Variants in RCOR3 observed in about 807,000 individuals in gnomAD.
RCOR3 encodes REST corepressor 3.
A neutral mutation model predicts 64.1 loss-of-function variants in RCOR3; 13 were observed. That is an observed-to-expected ratio of 0.20 (90% CI 0.13 to 0.32). RCOR3 has a LOEUF of 0.32. Among genes scored for constraint, RCOR3 ranks in the 10% least tolerant of loss-of-function variants. RCOR3 has a pLI of 1.00. For synonymous variants in RCOR3, 215 were observed against 239.0 expected (o/e 0.90, Z 0.93); for missense variants, 489 against 701.2 (o/e 0.70, Z 3.42).
chr1:211,297,485 C>T (rs12754747), intron 9 of RCOR3, among the ~76,000 whole-genome samples: 19,577 of 152,130 alleles, frequency 0.13, 1,387 homozygotes, highest in Middle Eastern at 0.24. Context: ...TTGCCTCTTA[C>T]ATTTGGAAGT....
chr1:211,269,293 GTCTC>G (rs1695760757), intron 2 of RCOR3, among the ~76,000 whole-genome samples: 3 of 152,082 alleles, frequency 2.0e-5, no homozygotes, highest in African/African-American at 4.8e-5. Context: ...GAGAAACCTT[GTCTC>G]TACTAAAAAT....
intron 8 of RCOR3, among the ~76,000 whole-genome samples, chr1:211,293,516 T>TAAAACTC (rs1329137927): frequency 1.3e-5 from 2 of 152,228 alleles, no homozygotes; most frequent in East Asian, 3.8e-4. Flanking sequence ...AAACTCAGTT[T>TAAAACTC]AGCTGTCCTT....
At chr1:211,261,631 C>T (rs1694287328) in intron 2 of RCOR3, among the ~76,000 whole-genome samples, 1 of 152,132 alleles carries the variant, frequency 6.6e-6, no homozygotes, top group South Asian at 2.1e-4. Flanking sequence ...CTTTAAGAGA[C>T]TGAATTCACG....
Position 211,280,840 on chromosome 1 carries a change from G to A in RCOR3, c.720+1524G>A, listed in dbSNP as rs182011367. On this transcript the variant is annotated intron_variant, in intron 7 of 11. Coordinates refer to ENST00000419091, the MANE Select transcript of RCOR3 (RefSeq NM_001136223.3). ...CTCTACTAAAAATACAAAATTAGCC[G>A]GGGCGTGGTGGCACATGCCTGTAAT... Among the ~76,000 whole-genome samples, 252 of 152,006 alleles carry A rather than the reference G, an allele frequency of 1.7e-3. 3 individuals carry two copies. Among genetic ancestry groups the A allele is most frequent in the Admixed American group, 8.4e-3 (129 of 15,272 alleles).
chr1:211,263,962 C>T lies in RCOR3; in HGVS notation c.223+3798C>T, dbSNP rs569928491. On this transcript the variant is annotated intron_variant, in intron 2 of 11. Coordinates refer to ENST00000419091, the MANE Select transcript of RCOR3 (RefSeq NM_001136223.3). ...CCTCCCAAGTAGCTGGGACTACAGGCACATGCCACCATACCCGGCTAATTT... is the reference window on the plus strand; with the variant it reads ...CCTCCCAAGTAGCTGGGACTACAGGTACATGCCACCATACCCGGCTAATTT... Among the ~76,000 whole-genome samples the T allele has an allele frequency of 1.2e-4, 18 of 152,192 alleles. No homozygotes were observed. The Middle Eastern group carries it at 0.01, about 86-fold the overall frequency.
chr1:211,277,595 G>A lies in RCOR3; in HGVS notation c.517-522G>A, dbSNP rs559721215. ...TCACATATTGTATGATTCCCTTTAT[G>A]TAAAATGTCCAGAATAGGCAAATCC... is the stretch of plus-strand genomic sequence containing the variant. On this transcript the variant is annotated intron_variant, in intron 5 of 11. Coordinates refer to ENST00000419091, the MANE Select transcript of RCOR3 (RefSeq NM_001136223.3). Among the ~76,000 whole-genome samples the A allele has an allele frequency of 3.3e-5, 5 of 152,312 alleles. No homozygotes were observed. In the South Asian group the frequency reaches 1.0e-3, roughly 32 times the overall value.
At chr1:211,270,630 G>A (rs1696018635) in intron 2 of RCOR3, among the ~76,000 whole-genome samples, 2 of 151,870 alleles carry the variant, frequency 1.3e-5, no homozygotes, top group South Asian at 4.1e-4. Context: ...ATGTATGGAA[G>A]TTTAAATCAG....
intron 3 of RCOR3, among the ~76,000 whole-genome samples, chr1:211,273,125 A>G (rs548048817): frequency 1.3e-5 from 2 of 152,226 alleles, no homozygotes; most frequent in Admixed American, 6.6e-5. Flanking sequence ...ACATTTAACA[A>G]TTTTATTCTA....
chr1:211,304,285 G>A, intron 10 of RCOR3, 145 bp downstream of exon 10: 2 of 530,914 alleles, frequency 3.8e-6, no homozygotes, highest in Non-Finnish European at 6.3e-6. Context: ...CAGGAATTCT[G>A]TGTTGTATTT....
Position 211,259,531 on chromosome 1 carries a change from C to T in RCOR3, c.-30C>T. 6.5e-7 allele frequency: 1 copy of T among 1,538,988 alleles called. No homozygotes were observed. The highest frequency in any genetic ancestry group is 8.8e-7 in the Non-Finnish European group (1 of 1,141,394). ...CCTTCACCCTGACGCCTGCCTCTTC[C>T]CCTCACCTTTCCCCCTCCCCTGTTC... On this transcript the variant is annotated 5_prime_UTR_variant, in exon 1 of 12. Coordinates refer to ENST00000419091, the MANE Select transcript of RCOR3 (RefSeq NM_001136223.3).
Position 211,313,091 on chromosome 1 carries a change from G to A in RCOR3, c.1317+130G>A. The A allele has an allele frequency of 6.5e-7, 1 of 1,545,082 alleles. No homozygotes were observed. The highest frequency in any genetic ancestry group is 1.4e-5 in the African/African-American group (1 of 72,834). ...GAAAGGTTGACAATACACTTCTTCA[G>A]TGGTGCATCTCTCGTGACTCTTAAG... On this transcript the variant is annotated intron_variant, in intron 11 of 11. Transcript: ENST00000419091. This position sits in a 1 kb window ranked among gnomAD's most constrained non-coding sequence, Gnocchi z 4.7.
At chr1:211,271,621 C>A (rs1401536286) in intron 3 of RCOR3, 6 of 488,684 alleles carry the variant, frequency 1.2e-5, no homozygotes, top group Admixed American at 1.2e-4. Flanking sequence ...TCTGCCCAGG[C>A]TTTTCCTCAG....
intron 2 of RCOR3, 33 bp from the exon 3 acceptor site, chr1:211,271,199 A>T: frequency 6.4e-7 from 1 of 1,571,516 alleles, no homozygotes; most frequent in Non-Finnish European, 8.7e-7. Context: ...AATAAAATCC[A>T]TCATATTCAA....
At chr1:211,293,647 T>C (rs948755522) in intron 8 of RCOR3, among the ~76,000 whole-genome samples, 1 of 152,238 alleles carries the variant, frequency 6.6e-6, no homozygotes, top group Non-Finnish European at 1.5e-5. Context: ...TTTTAGCGTT[T>C]ATCATAGGTT....
chr1:211,295,579 A>G, intron 8 of RCOR3, 97 bp from the exon 9 acceptor site: 1 of 981,438 alleles, frequency 1.0e-6, no homozygotes, highest in Non-Finnish European at 1.6e-6. Context: ...AATAAAATTT[A>G]AGAGGGGTTT....
chr1:211,285,809 T>G (rs1198270816), intron 7 of RCOR3, among the ~76,000 whole-genome samples: 1 of 152,246 alleles, frequency 6.6e-6, no homozygotes, highest in East Asian at 1.9e-4. Flanking sequence ...ATGTGATCAA[T>G]TATTCTGATC....
chr1:211,298,881 C>T (rs1011298147), intron 9 of RCOR3, among the ~76,000 whole-genome samples: 1 of 152,110 alleles, frequency 6.6e-6, no homozygotes, highest in Non-Finnish European at 1.5e-5. Flanking sequence ...GTGGCGGGCA[C>T]CTGTAGTCCC....
Position 211,312,608 on chromosome 1 carries a change from G to A in RCOR3, c.1076-112G>A. 1 of 786,896 alleles carries A rather than the reference G, an allele frequency of 1.3e-6. No individual in the cohort carries two copies. The highest frequency in any genetic ancestry group is 2.2e-6 in the Non-Finnish European group (1 of 462,918). The allele number at this position is 786,896 out of a possible 1,614,324, so 48.7% of individuals were successfully genotyped here. A position where few individuals can be genotyped will look rare whatever the true frequency, so the allele number is the denominator to read the frequency against. On this transcript the variant is annotated intron_variant, in intron 10 of 11. Coordinates refer to ENST00000419091, the MANE Select transcript of RCOR3 (RefSeq NM_001136223.3). This position sits in a 1 kb window ranked among gnomAD's most constrained non-coding sequence, Gnocchi z 5.0. ...ATCTCAGAATTGAGAAATGAGCAGA[G>A]TTTATCAGAAAGGAATTTCATTGCT...
In RCOR3 at chr1:211,315,516, A is replaced by T. The variant is rs995267975; in HGVS notation, c.*1748A>T. On this transcript the variant is annotated 3_prime_UTR_variant, in exon 12 of 12. Coordinates refer to ENST00000419091, the MANE Select transcript of RCOR3 (RefSeq NM_001136223.3). ...TGATTTAAAATTCTTAATATTCAAGAATTTATACTTATTTTTTCCTTAAAA... is the reference window on the plus strand; with the variant it reads ...TGATTTAAAATTCTTAATATTCAAGTATTTATACTTATTTTTTCCTTAAAA... 1.3e-5 allele frequency: 2 copies of T among 152,238 alleles called. No homozygotes were observed. The highest frequency in any genetic ancestry group is 1.5e-5 in the Non-Finnish European group (1 of 68,030). The allele number at this position is 152,238 out of a possible 1,614,324, so 9.4% of individuals were successfully genotyped here.
Sources: gnomAD v4.1 joint callset for allele counts (sites outside exome capture counted in the v4.1 genomes callset) on GRCh38, gnomAD v4.1.1 for gene constraint, Gnocchi (gnomAD v3.1) non-coding constraint, MANE v1.5 for transcripts, NCBI Gene and HGNC (gene_info 2026-07-23, HGNC 2026-07-21) for gene names.